The following FCHSD2 variants were observed in gnomAD, a reference collection of about 807,000 sequenced individuals.
FCHSD2 encodes the protein FCH and double SH3 domains 2.
A neutral mutation model predicts 108.1 loss-of-function variants in FCHSD2; 38 were observed. That is an observed-to-expected ratio of 0.35 (90% confidence interval 0.27 to 0.46). FCHSD2 has a LOEUF of 0.46. Ranked by LOEUF, FCHSD2 falls within the 20% of genes least tolerant of loss-of-function variation. The pLI, the probability that FCHSD2 is intolerant of heterozygous loss-of-function variation, is 1.00. For synonymous variants in FCHSD2, 279 were observed against 314.7 expected, an observed-to-expected ratio of 0.89 and a Z score of 1.20; for missense variants, 751 against 897.8, an observed-to-expected ratio of 0.84 and a Z score of 2.09.
intron 10 of FCHSD2, among the ~76,000 whole-genome samples, chr11:72,897,319 T>TAA (rs140771439): frequency 1.9e-3 from 239 of 124,836 alleles, no homozygotes; most frequent in African/African-American, 5.2e-3. Context: ...TTAAAAAGAG[T>TAA]AAAAAAAAAA....
intron 3 of FCHSD2, among the ~76,000 whole-genome samples, chr11:73,073,806 A>T (rs1859486721): frequency 1.3e-5 from 2 of 152,186 alleles, no homozygotes; most frequent in South Asian, 4.1e-4. Flanking sequence ...CATAAAATCA[A>T]ATAATAAAAA....
At chr11:73,026,330 G>T (rs7944277) in intron 3 of FCHSD2, among the ~76,000 whole-genome samples, 152,268 of 152,270 alleles carry the variant, frequency 1, 76,133 homozygotes, top group Middle Eastern at 1. Context: ...TAGTATACTG[G>T]ATTCAGGATT....
chr11:72,853,173 A>G (rs1267098396), intron 13 of FCHSD2, among the ~76,000 whole-genome samples: 2 of 152,206 alleles, frequency 1.3e-5, no homozygotes, highest in East Asian at 3.8e-4. Flanking sequence ...GAGACTAGAA[A>G]GCCCAGAAAT....
At chr11:73,024,076 A>G (rs997254002) in intron 3 of FCHSD2, among the ~76,000 whole-genome samples, 1 of 152,134 alleles carries the variant, frequency 6.6e-6, no homozygotes, top group Non-Finnish European at 1.5e-5. Context: ...GATCTGCAAC[A>G]CTATACATTT....
chr11:73,090,345 C>A (rs1859925570), intron 2 of FCHSD2, among the ~76,000 whole-genome samples: 1 of 150,916 alleles, frequency 6.6e-6, no homozygotes, highest in Non-Finnish European at 1.5e-5. Context: ...CCTGCCTCAG[C>A]CTCCCAAGTA....
At chr11:72,936,030 A>G (rs528385735) in intron 8 of FCHSD2, among the ~76,000 whole-genome samples, 1 of 152,358 alleles carries the variant, frequency 6.6e-6, no homozygotes, top group South Asian at 2.1e-4. Flanking sequence ...ATCATGGGCA[A>G]CAGAAAACCT....
Position 72,887,911 on chromosome 11 carries a change from G to A in FCHSD2, c.1042-337C>T, listed in dbSNP as rs373955787. Among the ~76,000 whole-genome samples, 16 of 152,218 alleles carry A rather than the reference G, an allele frequency of 1.1e-4. No individual in the cohort carries two copies. The East Asian group carries it at 2.7e-3, about 26-fold the overall frequency. On this transcript the variant is annotated intron_variant, in intron 11 of 19. Transcript: ENST00000409418. ...TGTTCTATGGCATTAAGTTTGAGGT[G>A]GTTTGTTAAGCAACATTACATAAGT...
At chr11:72,873,310 T>C (rs537994225) in intron 12 of FCHSD2, among the ~76,000 whole-genome samples, 10 of 151,030 alleles carry the variant, frequency 6.6e-5, no homozygotes, top group Admixed American at 5.3e-4. Context: ...GCCCAGGCAA[T>C]GGTGTGAGAC....
chr11:72,867,702 G>A (rs888717545), intron 13 of FCHSD2, among the ~76,000 whole-genome samples, 163 bp downstream of exon 13: 3 of 151,324 alleles, frequency 2.0e-5, no homozygotes, highest in Middle Eastern at 3.4e-3. Context: ...TTCACTTCCC[G>A]CAATAATTTT....
chr11:73,134,515 A>G (rs1861077923), intron 2 of FCHSD2, among the ~76,000 whole-genome samples: 1 of 152,088 alleles, frequency 6.6e-6, no homozygotes, highest in Non-Finnish European at 1.5e-5. Flanking sequence ...CTTGGAATCC[A>G]ATCTCCCATG....
chr11:73,016,639 T>A (rs1039710047), intron 3 of FCHSD2, among the ~76,000 whole-genome samples: 2 of 152,196 alleles, frequency 1.3e-5, no homozygotes, highest in Non-Finnish European at 2.9e-5. Flanking sequence ...ACAAATTCAA[T>A]TTGAAGTAGA....
At chr11:73,099,091 C>T (rs1294716921) in intron 2 of FCHSD2, among the ~76,000 whole-genome samples, 1 of 150,638 alleles carries the variant, frequency 6.6e-6, no homozygotes, top group East Asian at 1.9e-4. Flanking sequence ...TGGTACATGC[C>T]TATTGTCCCA....
At chr11:73,136,165 GA>G (rs1185429559) in intron 2 of FCHSD2, among the ~76,000 whole-genome samples, 841 of 81,566 alleles carry the variant, frequency 0.01, 4 homozygotes, top group African/African-American at 0.012. Context: ...TGTCTCTTAA[GA>G]AAAAAAAAAA....
chr11:73,006,152 C>T (rs918381135), intron 4 of FCHSD2, among the ~76,000 whole-genome samples: 16 of 151,894 alleles, frequency 1.1e-4, no homozygotes, highest in African/African-American at 3.6e-4. Flanking sequence ...AGCCATCCTC[C>T]TGCCTTAGCC....
At chr11:73,081,334 T>C (rs926413587) in intron 3 of FCHSD2, among the ~76,000 whole-genome samples, 10 of 151,976 alleles carry the variant, frequency 6.6e-5, no homozygotes, top group Admixed American at 2.6e-4. Context: ...TTCGGGAGGA[T>C]GAGGTAGGAG....
At chr11:72,917,185 A>G (rs368503360) in intron 9 of FCHSD2, among the ~76,000 whole-genome samples, 16 of 152,136 alleles carry the variant, frequency 1.1e-4, no homozygotes, top group Middle Eastern at 6.8e-3. Flanking sequence ...AGGTTTCACC[A>G]TATTGGCCAG....
chr11:72,891,590 T>C (rs1220361963), intron 10 of FCHSD2, among the ~76,000 whole-genome samples: 1 of 152,236 alleles, frequency 6.6e-6, no homozygotes, highest in Non-Finnish European at 1.5e-5. Context: ...AGTGTTAAAC[T>C]CTGGACACAG....
intron 2 of FCHSD2, among the ~76,000 whole-genome samples, chr11:73,089,068 C>A (rs1859892254): frequency 6.6e-6 from 1 of 151,898 alleles, no homozygotes; most frequent in Non-Finnish European, 1.5e-5. Context: ...TGTTTTAAAG[C>A]AAAAGACAAA....
intron 3 of FCHSD2, among the ~76,000 whole-genome samples, chr11:73,055,909 G>T (rs1380284170): frequency 6.6e-6 from 1 of 152,012 alleles, no homozygotes; most frequent in African/African-American, 2.4e-5. Context: ...TATCTATTTG[G>T]GTTGATGAAA....
Sources: allele counts gnomAD v4.1 joint callset (sites outside exome capture counted in the v4.1 genomes callset), GRCh38; gene constraint gnomAD v4.1.1; transcripts MANE v1.5; gene names NCBI Gene and HGNC (gene_info 2026-07-23, HGNC 2026-07-21).